Variants in ACTN1 observed in about 807,000 individuals in gnomAD.
The protein encoded by ACTN1 is alpha-actinin-1.
Under a neutral mutation model 119.6 loss-of-function variants are expected in ACTN1, and 30 were observed. That is an observed-to-expected ratio of 0.25 (90% CI 0.19 to 0.34). The LOEUF (loss-of-function observed/expected upper bound fraction) is 0.34. Ranked by LOEUF, ACTN1 falls within the 10% of genes least tolerant of loss-of-function variation. The pLI, the probability that ACTN1 is intolerant of heterozygous loss-of-function variation, is 1.00. For synonymous variants in ACTN1, 429 were observed against 472.6 expected (o/e 0.91, Z 1.20); for missense variants, 764 against 1,223.4 (o/e 0.62, Z 5.60).
chr14:68,963,133 C>G (rs575671282), intron 1 of ACTN1, among the ~76,000 whole-genome samples: 11 of 152,244 alleles, frequency 7.2e-5, no homozygotes, highest in Admixed American at 7.2e-4. Flanking sequence ...CCCCCGCACC[C>G]GCTTGGCCTG....
At chr14:68,876,948 G>T in intron 21 of ACTN1, 134 bp downstream of exon 21, 1 of 1,041,710 alleles carries the variant, frequency 9.6e-7, no homozygotes, top group Non-Finnish European at 1.4e-6. Flanking sequence ...AGTAGAAGTG[G>T]CAAACAAGGA....
At chr14:68,918,891 A>C (rs957305994) in intron 3 of ACTN1, among the ~76,000 whole-genome samples, 23 of 152,198 alleles carry the variant, frequency 1.5e-4, no homozygotes, top group African/African-American at 5.3e-4. Context: ...GCCTGGGCTC[A>C]ACTGATGACA....
At chr14:68,943,834 C>T (rs1460791793) in intron 1 of ACTN1, among the ~76,000 whole-genome samples, 8 of 152,204 alleles carry the variant, frequency 5.3e-5, no homozygotes, top group African/African-American at 1.7e-4. Context: ...TGGCAAGAGG[C>T]AGAACTGAGG....
intron 1 of ACTN1, among the ~76,000 whole-genome samples, chr14:68,933,310 A>G (rs2035322224): frequency 6.6e-6 from 1 of 151,694 alleles, no homozygotes; most frequent in African/African-American, 2.4e-5. Context: ...ATTTTTTTGT[A>G]TTTTTAGTAG....
At chr14:68,899,049 TCACACCACACACACCTCA>T (rs2033094843) in intron 8 of ACTN1, among the ~76,000 whole-genome samples, 1 of 72,786 alleles carries the variant, frequency 1.4e-5, no homozygotes, top group Non-Finnish European at 2.7e-5. Context: ...ATGCCACACC[TCACACCACACACACCTCA>T]CACACCACAC....
Position 68,885,538 on chromosome 14 carries a change from G to A in ACTN1, c.1272C>T (p.Thr424=), listed in dbSNP as rs114608420. The A allele has an allele frequency of 2.9e-4, 460 of 1,613,938 alleles. 3 individuals carry two copies. The African/African-American group carries it at 4.1e-3, about 15-fold the overall frequency. The change falls in exon 12 of 22, where the codon ACC becomes ACT. Residue 424 remains threonine, a synonymous_variant. Coordinates refer to ENST00000394419, the MANE Select transcript of ACTN1 (RefSeq NM_001130004.2). This position sits in a 1 kb window ranked among gnomAD's most constrained non-coding sequence, Gnocchi z 5.6. The part of the protein sequence containing the change: ...EAMLRQKDYE[T]ATLSEIKALL... Reference sequence around the variant, plus strand: ...GGGCCTTGATCTCCGAGAGGGTGGCGGTCTCATAGTCCTTCTGTCGCAGCA... The same window carrying A: ...GGGCCTTGATCTCCGAGAGGGTGGCAGTCTCATAGTCCTTCTGTCGCAGCA...
At chr14:68,977,936 G>C (rs1206722086) in intron 1 of ACTN1, 1 of 456,012 alleles carries the variant, frequency 2.2e-6, no homozygotes, top group Non-Finnish European at 4.4e-6. Flanking sequence ...GGCCGCCTGG[G>C]GGCACAGGCT....
At chr14:68,875,360 G>C (rs1243863329) in intron 21 of ACTN1, among the ~76,000 whole-genome samples, 1 of 152,216 alleles carries the variant, frequency 6.6e-6, no homozygotes, top group Non-Finnish European at 1.5e-5. Context: ...TACTCTGGTG[G>C]AGCGTATAGG....
intron 1 of ACTN1, among the ~76,000 whole-genome samples, chr14:68,931,374 A>G (rs183225053): frequency 3.9e-5 from 6 of 152,324 alleles, no homozygotes; most frequent in Admixed American, 2.6e-4. Flanking sequence ...GAGGCAAGAG[A>G]GATCATTACA....
intron 1 of ACTN1, among the ~76,000 whole-genome samples, chr14:68,950,522 A>G (rs1488070064): frequency 6.7e-6 from 1 of 149,786 alleles, no homozygotes; most frequent in Non-Finnish European, 1.5e-5. Context: ...TAACAGTGTT[A>G]CCTGTGGGGA....
Position 68,910,028 on chromosome 14 carries a change from C to T in ACTN1, c.442G>A (p.Glu148Lys). ...CTCTGACACCACAGGAGCAGCCCTTCCTTGGCTGAAGTCTCTATGGGGAAG... is the reference window on the plus strand; with the variant it reads ...CTCTGACACCACAGGAGCAGCCCTTTCTTGGCTGAAGTCTCTATGGGGAAG... Reference protein sequence around the residue: ...DISVEETSAKEGLLLWCQRKT... With the variant: ...DISVEETSAKKGLLLWCQRKT... Residue 148 changes from glutamate (E) to lysine (K), a missense_variant, in exon 5 of 22, where the codon GAA becomes AAA. Physicochemically the swap from Glu to Lys is moderately conservative, Grantham distance 56. This residue lies in a region of ACTN1 where 54 missense variants were observed against 153.2 expected (regional missense o/e 0.35). Coordinates refer to ENST00000394419, the MANE Select transcript of ACTN1 (RefSeq NM_001130004.2). The T allele has an allele frequency of 6.2e-7, 1 of 1,613,842 alleles. No individual in the cohort carries two copies. The highest frequency in any genetic ancestry group is 8.5e-7 in the Non-Finnish European group (1 of 1,179,912).
chr14:68,969,511 T>A (rs1020689893), intron 1 of ACTN1, among the ~76,000 whole-genome samples: 1 of 152,238 alleles, frequency 6.6e-6, no homozygotes, highest in Non-Finnish European at 1.5e-5. Flanking sequence ...CTGGAGGATG[T>A]CTGCGGAGTT....
At chr14:68,951,324 A>G (rs545364715) in intron 1 of ACTN1, among the ~76,000 whole-genome samples, 1 of 152,138 alleles carries the variant, frequency 6.6e-6, no homozygotes, top group Non-Finnish European at 1.5e-5. Flanking sequence ...TCAGACTGTT[A>G]TGGAGAAACC....
intron 3 of ACTN1, among the ~76,000 whole-genome samples, chr14:68,918,236 A>G (rs1040574456): frequency 2.0e-5 from 3 of 152,220 alleles, no homozygotes; most frequent in African/African-American, 7.2e-5. Flanking sequence ...CCCTGAGGCC[A>G]GCATGGCAGG....
At position 68,893,664 on chromosome 14, in the gene ACTN1, C is replaced by G. The variant is rs752334343; in HGVS notation, c.846G>C (p.Leu282=). 6.2e-7 allele frequency: 1 copy of G among 1,614,096 alleles called. No homozygotes were observed. Among genetic ancestry groups the G allele is most frequent in the South Asian group, 1.1e-5 (1 of 91,076 alleles). The change falls in exon 9 of 22, where the codon CTG becomes CTC. Residue 282 remains leucine (L), a synonymous_variant. Coordinates refer to ENST00000394419, the MANE Select transcript of ACTN1 (RefSeq NM_001130004.2). ...NEQLMEDYEK[L]ASDLLEWIRR... ...ACCCGGGGGTACCCACATCACTGGC[C>G]AGCTTCTCGTAGTCTTCCATAAGCT...
intron 1 of ACTN1, among the ~76,000 whole-genome samples, chr14:68,963,381 G>C (rs2036601800): frequency 6.6e-6 from 1 of 152,186 alleles, no homozygotes; most frequent in Admixed American, 6.5e-5. Context: ...CTTTATGTTT[G>C]TTAAGTCTGG....
intron 1 of ACTN1, chr14:68,977,804 C>CCG (rs1555361564): frequency 2.7e-6 from 1 of 367,492 alleles, no homozygotes; most frequent in Non-Finnish European, 5.5e-6. Context: ...ATCCTGTCCC[C>CCG]CCCCCACCCA....
chr14:68,958,066 C>T (rs1021986678), intron 1 of ACTN1, among the ~76,000 whole-genome samples: 3 of 152,330 alleles, frequency 2.0e-5, no homozygotes, highest in South Asian at 2.1e-4. Flanking sequence ...GGGTCCCGAC[C>T]TCTTGGGTTT....
Position 68,880,172 on chromosome 14 carries a change from C to A in ACTN1, c.2134-64G>T. 5 of 1,573,012 alleles carry A rather than the reference C, an allele frequency of 3.2e-6. No individual in the cohort carries two copies. Among genetic ancestry groups the A allele is most frequent in the Non-Finnish European group, 4.3e-6 (5 of 1,157,212 alleles). The stretch of plus-strand genomic sequence containing the variant: ...AGGCCTGGGCTCCTGGCGGCCCCTG[C>A]CCATCCTACTCCCCAACCATCAAAA... On this transcript the variant is annotated intron_variant, in intron 17 of 21. Coordinates refer to ENST00000394419, the MANE Select transcript of ACTN1 (RefSeq NM_001130004.2). The surrounding 1 kb of genome is among the most constrained non-coding windows in gnomAD (Gnocchi z 4.6).
Sources: allele counts gnomAD v4.1 joint callset (sites outside exome capture counted in the v4.1 genomes callset), GRCh38; gene constraint gnomAD v4.1.1; regional missense constraint gnomAD v4.1.1; non-coding constraint Gnocchi (gnomAD v3.1); transcripts MANE v1.5; gene names NCBI Gene and HGNC (gene_info 2026-07-23, HGNC 2026-07-21).